Variants in KANK1 observed in about 807,000 individuals in gnomAD.
KANK1 encodes KN motif and ankyrin repeat domain-containing protein 1.
In KANK1, 109 loss-of-function variants were observed where a neutral mutation model predicts 106.2. That is an observed-to-expected ratio of 1.03 (90% CI 0.88 to 1.20). KANK1 has a LOEUF of 1.20. Among genes scored for constraint, KANK1 ranks in the 50% most tolerant of loss-of-function variants. The pLI is 0.00. For missense variants in KANK1, 2,399 were observed against 1,710.7 expected (o/e 1.40, Z -7.10); for synonymous variants, 873 against 652.2 (o/e 1.34, Z -5.16).
chr9:655,598 C>T (rs946822762), intron 1 of KANK1, among the ~76,000 whole-genome samples: 1 of 152,120 alleles, frequency 6.6e-6, no homozygotes, highest in Non-Finnish European at 1.5e-5. Context: ...TAAATCAAGT[C>T]AGGCAGATGC....
At chr9:693,516 G>A in intron 2 of KANK1, 5 of 985,372 alleles carry the variant, frequency 5.1e-6, no homozygotes, top group Non-Finnish European at 6.0e-6. Context: ...AGATGAGAGA[G>A]GGCTTTGCCT....
At chr9:526,001 T>C (rs1360526941) in intron 1 of KANK1, among the ~76,000 whole-genome samples, 2 of 151,838 alleles carry the variant, frequency 1.3e-5, no homozygotes, top group South Asian at 2.1e-4. Flanking sequence ...TTGTTTCTTA[T>C]TCAGGTTACT....
In KANK1 at chr9:646,666, G is replaced by C. The variant is rs375992493; in HGVS notation, c.-83-30224G>C. On this transcript the variant is annotated intron_variant, in intron 1 of 11. Coordinates refer to ENST00000382297, the MANE Select transcript of KANK1 (RefSeq NM_015158.5). Reference sequence around the variant, plus strand: ...AACTGGACAGTTTATAGAGCAGTTCGCCTGATCATTTTTGTTTTTTAAGTA... The same window carrying C: ...AACTGGACAGTTTATAGAGCAGTTCCCCTGATCATTTTTGTTTTTTAAGTA... 6.8e-4 allele frequency among the ~76,000 whole-genome samples: 101 copies of C among 149,438 alleles called. 2 individuals carry two copies. The South Asian group carries it at 0.02, about 30-fold the overall frequency.
chr9:475,577 G>C (rs531141313), intron 3 of KANK1, among the ~76,000 whole-genome samples: 1 of 152,222 alleles, frequency 6.6e-6, no homozygotes, highest in African/African-American at 2.4e-5. Context: ...GGGGAGTTAT[G>C]CCCTACAAAC....
chr9:562,670 A>G (rs543695928), intron 1 of KANK1, among the ~76,000 whole-genome samples: 24 of 152,314 alleles, frequency 1.6e-4, no homozygotes, highest in African/African-American at 5.3e-4. Context: ...CTGAGATGAT[A>G]TATTGGATAG....
At chr9:704,315 C>A (rs1248712861) in intron 2 of KANK1, among the ~76,000 whole-genome samples, 1 of 152,174 alleles carries the variant, frequency 6.6e-6, no homozygotes, top group Non-Finnish European at 1.5e-5. Context: ...CTTTGAGGCC[C>A]AAGTTCCTTC....
At chr9:662,243 C>A (rs1843493393) in intron 1 of KANK1, among the ~76,000 whole-genome samples, 1 of 152,114 alleles carries the variant, frequency 6.6e-6, no homozygotes, top group African/African-American at 2.4e-5. Flanking sequence ...TGAAAATGAC[C>A]ATACTGCCCA....
chr9:672,458 A>G (rs1429633910), intron 1 of KANK1, among the ~76,000 whole-genome samples: 2 of 152,158 alleles, frequency 1.3e-5, no homozygotes, highest in Non-Finnish European at 2.9e-5. Context: ...TTTTATTAGT[A>G]GTACTTAATG....
intron 2 of KANK1, chr9:693,303 C>T (rs1820438023): frequency 2.5e-6 from 2 of 786,786 alleles, no homozygotes; most frequent in South Asian, 1.1e-4. Context: ...AAGCCAGCTG[C>T]TGTGCTATAG....
chr9:690,016 G>A lies in KANK1; in HGVS notation c.37+13007G>A, dbSNP rs559029155. 1.3e-3 allele frequency among the ~76,000 whole-genome samples: 195 copies of A among 151,706 alleles called. 2 individuals carry two copies. Among genetic ancestry groups the A allele is most frequent in the African/African-American group, 4.5e-3 (185 of 41,312 alleles). On this transcript the variant is annotated intron_variant, in intron 2 of 11. Transcript: ENST00000382297. ...ATAAGAACTACAAGAGGCTGGGCAC[G>A]GTGGCTCATGCCTGTAATCCCAGCA...
chr9:472,253 A>G (rs2058035216), intron 2 of KANK1, among the ~76,000 whole-genome samples: 1 of 152,214 alleles, frequency 6.6e-6, no homozygotes, highest in South Asian at 2.1e-4. Context: ...ATGACTGACC[A>G]AGGAAGTCAA....
chr9:471,449 A>G (rs1454903409), intron 2 of KANK1: 3 of 152,148 alleles, frequency 2.0e-5, no homozygotes, highest in Admixed American at 2.0e-4. Flanking sequence ...CCCCAAGGAG[A>G]TGGTGATGAC....
At chr9:639,072 C>G (rs1327790455) in intron 1 of KANK1, among the ~76,000 whole-genome samples, 1 of 152,062 alleles carries the variant, frequency 6.6e-6, no homozygotes, top group African/African-American at 2.4e-5. Flanking sequence ...TACAGGAGTC[C>G]CATAAAAACA....
intron 1 of KANK1, among the ~76,000 whole-genome samples, chr9:517,420 G>C (rs7862091): frequency 0.99 from 150,907 of 151,828 alleles, 75,001 homozygotes; most frequent in East Asian, 1. Flanking sequence ...GTGTTTTGTC[G>C]GGACGGTTTC....
intron 1 of KANK1, among the ~76,000 whole-genome samples, chr9:641,856 A>G (rs748368805): frequency 6.6e-6 from 1 of 152,202 alleles, no homozygotes; most frequent in Non-Finnish European, 1.5e-5. Context: ...TCCACCCTTT[A>G]AAGTATACGA....
intron 3 of KANK1, among the ~76,000 whole-genome samples, chr9:724,241 T>C (rs1367590393): frequency 6.6e-6 from 1 of 152,218 alleles, no homozygotes. Context: ...CTGAAATATT[T>C]ATGGATGAAA....
At chr9:546,259 A>C (rs542491120) in intron 1 of KANK1, among the ~76,000 whole-genome samples, 141 of 152,112 alleles carry the variant, frequency 9.3e-4, no homozygotes, top group African/African-American at 3.2e-3. Context: ...CCCAGGGAAT[A>C]TTTGGCAATA....
chr9:603,282 C>G (rs1274206714), intron 1 of KANK1, among the ~76,000 whole-genome samples: 1 of 151,780 alleles, frequency 6.6e-6, no homozygotes, highest in Non-Finnish European at 1.5e-5. Flanking sequence ...GCAGATAAAG[C>G]CTAGTATTGA....
chr9:647,952 C>G (rs1588553159), intron 1 of KANK1, among the ~76,000 whole-genome samples: 1 of 149,804 alleles, frequency 6.7e-6, no homozygotes, highest in African/African-American at 2.5e-5. Context: ...GCACCTCACA[C>G]ACAGCCAGTC....
Sources: allele counts gnomAD v4.1 joint callset (sites outside exome capture counted in the v4.1 genomes callset), GRCh38; gene constraint gnomAD v4.1.1; transcripts MANE v1.5; gene names NCBI Gene and HGNC (gene_info 2026-07-23, HGNC 2026-07-21).